DOCK8: variants seen among roughly 807,000 people sequenced by gnomAD.
DOCK8 encodes the protein dedicator of cytokinesis 8.
A neutral mutation model predicts 245.6 loss-of-function variants in DOCK8; 141 were observed. The observed-to-expected ratio is 0.57, with a 90% CI of 0.50 to 0.66. The LOEUF (loss-of-function observed/expected upper bound fraction) is 0.66. DOCK8 is among the 30% of genes least tolerant of loss of function. The probability of loss-of-function intolerance (pLI) is 0.00; values close to 1 mark genes in which losing one functional copy is unlikely to be tolerated. For synonymous variants in DOCK8, 1,168 were observed against 970.2 expected (o/e 1.20, Z -3.79); for missense variants, 2,965 against 2,603.4 (o/e 1.14, Z -3.02).
In DOCK8 at chr9:435,436, G is replaced by A. The variant is rs369728466; in HGVS notation, c.5079+461G>A. ...AAGGCGGTTATTATTCCCACTTCGCGGATGAGAGAACTGAGAGAGCAAGTT... is the reference window on the plus strand; with the variant it reads ...AAGGCGGTTATTATTCCCACTTCGCAGATGAGAGAACTGAGAGAGCAAGTT... On this transcript the variant is annotated intron_variant, in intron 39 of 47. Transcript: ENST00000432829. Among the ~76,000 whole-genome samples, 41 of 152,272 alleles carry A rather than the reference G, an allele frequency of 2.7e-4. No individual in the cohort carries two copies. In the East Asian group the frequency reaches 2.9e-3, roughly 11 times the overall value.
chr9:357,086 T>A (rs992556563), intron 14 of DOCK8, among the ~76,000 whole-genome samples: 3 of 152,126 alleles, frequency 2.0e-5, no homozygotes, highest in South Asian at 4.1e-4. Flanking sequence ...GTGAAGTGGG[T>A]TTTAAGGATG....
At chr9:285,164 A>G (rs1256785688) in intron 2 of DOCK8, among the ~76,000 whole-genome samples, 1 of 152,056 alleles carries the variant, frequency 6.6e-6, no homozygotes, top group African/African-American at 2.4e-5. Context: ...TCACTCCCTA[A>G]CTTACGCCAC....
intron 16 of DOCK8, 145 bp from the exon 17 acceptor site, chr9:371,283 C>A: frequency 1.1e-6 from 1 of 882,812 alleles, no homozygotes; most frequent in Non-Finnish European, 1.8e-6. Context: ...GTCTCAGGGA[C>A]TTCCAGCTTC....
chr9:435,855 C>T (rs2056882532), intron 39 of DOCK8, among the ~76,000 whole-genome samples: 1 of 152,180 alleles, frequency 6.6e-6, no homozygotes, highest in Admixed American at 6.5e-5. Flanking sequence ...TTGTAAGAGA[C>T]ATAGTTTGTA....
At chr9:294,454 A>G (rs1251009038) in intron 4 of DOCK8, among the ~76,000 whole-genome samples, 1 of 152,230 alleles carries the variant, frequency 6.6e-6, no homozygotes, top group Non-Finnish European at 1.5e-5. Flanking sequence ...TTAAAATAAA[A>G]TTTCAGTTCC....
At chr9:437,114 T>C (rs1280659257) in intron 39 of DOCK8, among the ~76,000 whole-genome samples, 4 of 152,210 alleles carry the variant, frequency 2.6e-5, no homozygotes, top group African/African-American at 9.7e-5. Context: ...TTTGGAAATG[T>C]AGCTGGCAAG....
In DOCK8 at chr9:277,457, G is replaced by GAAGAGAAGAGA. The variant is rs1554651517; in HGVS notation, c.156+5729_156+5730insAGAGAAGAGAA. 6.2e-5 allele frequency among the ~76,000 whole-genome samples: 8 copies of GAAGAGAAGAGA among 129,572 alleles called. 2 individuals are homozygous for GAAGAGAAGAGA. The highest frequency in any genetic ancestry group is 1.6e-4 in the African/African-American group (4 of 25,156). 85.0% of individuals were successfully genotyped at this position (129,572 alleles called of 152,430 possible). ...AAAAGAGAAGAGAGGAGAAGAGAAAGAGAGAAGAGAAGAGAAGAGAAGAGA... is the reference window on the plus strand; with the variant it reads ...AAAAGAGAAGAGAGGAGAAGAGAAAGAAGAGAAGAGAAGAGAAGAGAAGAGAAGAGAAGAGA... On this transcript the variant is annotated intron_variant, in intron 2 of 47. Coordinates refer to ENST00000432829, the MANE Select transcript of DOCK8 (RefSeq NM_203447.4).
intron 1 of DOCK8, among the ~76,000 whole-genome samples, chr9:227,054 A>G (rs908484890): frequency 6.6e-6 from 1 of 152,202 alleles, no homozygotes; most frequent in Non-Finnish European, 1.5e-5. Flanking sequence ...ATATGTCATG[A>G]GTGTTATCTC....
intron 33 of DOCK8, among the ~76,000 whole-genome samples, chr9:425,636 T>C (rs1189091925): frequency 1.3e-5 from 2 of 151,792 alleles, no homozygotes; most frequent in African/African-American, 4.8e-5. Flanking sequence ...CTCATGCCTG[T>C]GGTCCCAGAT....
intron 1 of DOCK8, among the ~76,000 whole-genome samples, chr9:270,621 A>G (rs2048139448): frequency 6.6e-6 from 1 of 152,240 alleles, no homozygotes; most frequent in Non-Finnish European, 1.5e-5. Flanking sequence ...GTTTTCACAG[A>G]GAAAACATAA....
intron 9 of DOCK8, among the ~76,000 whole-genome samples, chr9:330,800 A>G (rs1484753369): frequency 6.6e-6 from 1 of 152,192 alleles, no homozygotes; most frequent in Non-Finnish European, 1.5e-5. Flanking sequence ...CATGCATTTC[A>G]TTACACACTT....
chr9:396,564 G>C, intron 24 of DOCK8, among the ~76,000 whole-genome samples: 1 of 152,150 alleles, frequency 6.6e-6, no homozygotes, highest in East Asian at 1.9e-4. Flanking sequence ...CCTCTGACTT[G>C]GGGTCAAAAA....
intron 29 of DOCK8, 47 bp downstream of exon 29, chr9:414,998 C>G: frequency 6.2e-7 from 1 of 1,606,018 alleles, no homozygotes; most frequent in Non-Finnish European, 8.5e-7. Flanking sequence ...GGGCCCCTGC[C>G]AAATGCCCCA....
At chr9:385,955 T>C (rs758882908) in intron 22 of DOCK8, among the ~76,000 whole-genome samples, 14 of 152,300 alleles carry the variant, frequency 9.2e-5, no homozygotes, top group Admixed American at 4.6e-4. Flanking sequence ...GACAATGTAT[T>C]GGTGTTTAGG....
chr9:216,554 A>G (rs1024962608), intron 1 of DOCK8, among the ~76,000 whole-genome samples: 3 of 150,798 alleles, frequency 2.0e-5, no homozygotes, highest in African/African-American at 7.3e-5. Flanking sequence ...AAAAAAAAAA[A>G]AGCAAAAACA....
At chr9:325,001 G>C (rs2050694095) in intron 7 of DOCK8, among the ~76,000 whole-genome samples, 1 of 151,922 alleles carries the variant, frequency 6.6e-6, no homozygotes, top group African/African-American at 2.4e-5. Flanking sequence ...GAGTCTCCAA[G>C]GTCCATTATA....
At chr9:301,197 C>G (rs1006482279) in intron 4 of DOCK8, among the ~76,000 whole-genome samples, 1 of 151,976 alleles carries the variant, frequency 6.6e-6, no homozygotes. Context: ...ATACACAAAT[C>G]AATAAATGAG....
rs116825607 is a variant in DOCK8, at chr9:246,144, G to C, written c.54-25483G>C. The stretch of plus-strand genomic sequence containing the variant: ...TAAGGTGGGAGGATTGCTTGAGCCT[G>C]GGAGATGGAGCTTGCAGTGACCTGA... On this transcript the variant is annotated intron_variant, in intron 1 of 47. Coordinates refer to ENST00000432829, the MANE Select transcript of DOCK8 (RefSeq NM_203447.4). Among the ~76,000 whole-genome samples, 596 of 152,130 alleles carry C rather than the reference G, an allele frequency of 3.9e-3. 7 individuals carry two copies. The highest frequency in any genetic ancestry group is 0.014 in the African/African-American group (570 of 41,510).
intron 29 of DOCK8, 128 bp downstream of exon 29, chr9:415,079 C>T: frequency 7.6e-7 from 1 of 1,318,158 alleles, no homozygotes; most frequent in South Asian, 1.2e-5. Context: ...CAAAAATGGT[C>T]TCCAAACCTC....
Sources: allele counts gnomAD v4.1 joint callset (sites outside exome capture counted in the v4.1 genomes callset), GRCh38; gene constraint gnomAD v4.1.1; transcripts MANE v1.5; gene names NCBI Gene and HGNC (gene_info 2026-07-23, HGNC 2026-07-21).